ESRRG: variants seen among roughly 807,000 people sequenced by gnomAD.
The protein encoded by ESRRG is estrogen-related receptor gamma.
Under a neutral mutation model 44.0 loss-of-function variants are expected in ESRRG, and 13 were observed. That is an observed-to-expected ratio of 0.30 (90% CI 0.19 to 0.47). ESRRG has a LOEUF of 0.47. Among genes scored for constraint, ESRRG ranks in the 20% least tolerant of loss-of-function variants. The pLI, the probability that ESRRG is intolerant of heterozygous loss-of-function variation, is 1.00. For missense variants in ESRRG, 395 were observed against 580.6 expected (o/e 0.68, Z 3.29); for synonymous variants, 215 against 214.6 (o/e 1.00, Z -0.02).
intron 2 of ESRRG, among the ~76,000 whole-genome samples, chr1:216,732,207 C>A (rs1299905259): frequency 6.6e-6 from 1 of 151,492 alleles, no homozygotes; most frequent in Non-Finnish European, 1.5e-5. Flanking sequence ...ATTAACAAGG[C>A]AATTTCACAC....
At chr1:216,939,042 G>T (rs1028079279) in intron 2 of ESRRG, among the ~76,000 whole-genome samples, 1 of 152,050 alleles carries the variant, frequency 6.6e-6, no homozygotes, top group African/African-American at 2.4e-5. Context: ...AGAAAGAAAT[G>T]GGTATTCAAT....
At chr1:217,057,905 C>T (rs1030340366) in intron 1 of ESRRG, among the ~76,000 whole-genome samples, 2 of 151,606 alleles carry the variant, frequency 1.3e-5, no homozygotes, top group African/African-American at 4.8e-5. Flanking sequence ...CCAACGTGGC[C>T]CAGGGAAGCC....
intron 1 of ESRRG, among the ~76,000 whole-genome samples, chr1:217,107,539 G>C (rs898537716): frequency 2.0e-5 from 3 of 152,204 alleles, no homozygotes. Flanking sequence ...AACAGACATA[G>C]GAAAAGGTAT....
intron 1 of ESRRG, among the ~76,000 whole-genome samples, chr1:217,108,302 T>C (rs1004486264): frequency 3.2e-4 from 49 of 152,142 alleles, no homozygotes; most frequent in African/African-American, 1.2e-3. Flanking sequence ...CTAAAATTTT[T>C]TCTCTACAAC....
At chr1:216,966,858 T>A (rs919319141) in intron 1 of ESRRG, among the ~76,000 whole-genome samples, 16 of 152,132 alleles carry the variant, frequency 1.1e-4, no homozygotes, top group Admixed American at 8.5e-4. Context: ...GGCTGCTTTT[T>A]TAAGAAACAA....
intron 1 of ESRRG, among the ~76,000 whole-genome samples, chr1:217,014,260 T>C (rs1294553634): frequency 3.9e-5 from 6 of 152,134 alleles, no homozygotes; most frequent in African/African-American, 1.4e-4. Context: ...ACAGACAGGT[T>C]GCTATGGGAA....
intron 1 of ESRRG, among the ~76,000 whole-genome samples, chr1:217,046,991 A>G (rs915168241): frequency 2.6e-5 from 4 of 152,082 alleles, no homozygotes; most frequent in African/African-American, 7.2e-5. Flanking sequence ...ATATTAACAT[A>G]TGTAAGTGAA....
chr1:216,653,506 C>A (rs2069550048), intron 2 of ESRRG, among the ~76,000 whole-genome samples: 1 of 152,102 alleles, frequency 6.6e-6, no homozygotes. Context: ...CTGACATGAA[C>A]TTTTTGAGGC....
intron 1 of ESRRG, among the ~76,000 whole-genome samples, chr1:216,947,712 C>T (rs556438664): frequency 1.3e-5 from 2 of 152,272 alleles, no homozygotes; most frequent in African/African-American, 4.8e-5. Context: ...TAAAAAGATC[C>T]ATAGTGTCCT....
chr1:216,519,888 T>C (rs1465709851), intron 5 of ESRRG, among the ~76,000 whole-genome samples: 11 of 150,092 alleles, frequency 7.3e-5, no homozygotes. Flanking sequence ...ATTTAGGCCA[T>C]AGAGCTCAGC....
intron 1 of ESRRG, among the ~76,000 whole-genome samples, chr1:217,068,046 G>A (rs2090018730): frequency 6.6e-6 from 1 of 152,156 alleles, no homozygotes; most frequent in African/African-American, 2.4e-5. Context: ...GGGTAGGACT[G>A]CAGACAAACA....
At chr1:216,711,264 C>T (rs1030621289) in intron 1 of ESRRG, among the ~76,000 whole-genome samples, 9 of 152,112 alleles carry the variant, frequency 5.9e-5, no homozygotes, top group African/African-American at 1.4e-4. Flanking sequence ...TATTACAACT[C>T]CTGGGGCACC....
chr1:216,646,247 C>T (rs1007004938), intron 3 of ESRRG, among the ~76,000 whole-genome samples: 21 of 152,138 alleles, frequency 1.4e-4, no homozygotes, highest in African/African-American at 4.8e-4. Flanking sequence ...CAAATTTTCA[C>T]TTATTGATGT....
At chr1:216,559,020 C>A (rs12738267) in intron 5 of ESRRG, among the ~76,000 whole-genome samples, 49,037 of 150,410 alleles carry the variant, frequency 0.33, 8,076 homozygotes, top group South Asian at 0.37. Flanking sequence ...CAGGCACACA[C>A]CACCACATCC....
intron 3 of ESRRG, among the ~76,000 whole-genome samples, chr1:216,641,993 G>A (rs2066526543): frequency 6.6e-6 from 1 of 152,166 alleles, no homozygotes; most frequent in Admixed American, 6.5e-5. Context: ...TGGGGGATGG[G>A]TTACTTAAGT....
intron 1 of ESRRG, among the ~76,000 whole-genome samples, chr1:217,019,054 C>T (rs544952500): frequency 2.0e-5 from 3 of 152,202 alleles, no homozygotes; most frequent in African/African-American, 7.2e-5. Flanking sequence ...TGAAAAGCCA[C>T]CACTCACTAA....
At chr1:216,877,570 A>AT (rs971149926) in intron 2 of ESRRG, among the ~76,000 whole-genome samples, 2 of 151,412 alleles carry the variant, frequency 1.3e-5, no homozygotes, top group African/African-American at 2.4e-5. Context: ...TACCTGGCTA[A>AT]TTTTTTTGTA....
intron 2 of ESRRG, among the ~76,000 whole-genome samples, chr1:216,935,126 G>A (rs754787996): frequency 1.4e-4 from 21 of 152,080 alleles, no homozygotes; most frequent in African/African-American, 1.2e-4. Context: ...GTGTTCAGAC[G>A]TGTGGGCTTG....
chr1:217,102,051 C>A lies in ESRRG; in HGVS notation c.-230+35616G>T, dbSNP rs572715945. Among the ~76,000 whole-genome samples, 4 of 152,310 alleles carry A rather than the reference C, an allele frequency of 2.6e-5. No individual in the cohort carries two copies. In the East Asian group the frequency reaches 7.7e-4, roughly 29 times the overall value. On this transcript the variant is annotated intron_variant, in intron 1 of 8. Transcript: ENST00000366940. ...GAATTCCCGACCTCAGGTGATCCCC[C>A]CGCTTCGGCCTCCCAAAGTGCTGGG...
Sources: gnomAD v4.1 joint callset for allele counts (sites outside exome capture counted in the v4.1 genomes callset) on GRCh38, gnomAD v4.1.1 for gene constraint, MANE v1.5 for transcripts, NCBI Gene and HGNC (gene_info 2026-07-23, HGNC 2026-07-21) for gene names.